The following CDH13 variants were observed in gnomAD, a reference collection of about 807,000 sequenced individuals.
CDH13 encodes cadherin 13, also known as cadherin-13.
In CDH13, 24 loss-of-function variants were observed where a neutral mutation model predicts 63.8. The observed-to-expected ratio is 0.38, with a 90% confidence interval of 0.27 to 0.53. The LOEUF is 0.53. Among genes scored for constraint, CDH13 ranks in the 20% least tolerant of loss-of-function variants. The pLI is 0.85. For missense variants in CDH13, 1,049 were observed against 903.1 expected, an observed-to-expected ratio of 1.16 and a Z score of -2.07; for synonymous variants, 503 against 355.3, an observed-to-expected ratio of 1.42 and a Z score of -4.67.
intron 6 of CDH13, among the ~76,000 whole-genome samples, chr16:83,466,215 A>C (rs2073311255): frequency 2.6e-5 from 4 of 152,216 alleles, no homozygotes; most frequent in Admixed American, 2.6e-4. Context: ...GGAAGGTAGC[A>C]CGCTCCCATT....
chr16:83,624,590 G>A (rs1351527954), intron 8 of CDH13, among the ~76,000 whole-genome samples: 1 of 152,118 alleles, frequency 6.6e-6, no homozygotes, highest in Non-Finnish European at 1.5e-5. Flanking sequence ...CTGACAGGAG[G>A]CGGTGCTCAG....
At chr16:82,744,455 A>G (rs2034069849) in intron 1 of CDH13, among the ~76,000 whole-genome samples, 2 of 152,108 alleles carry the variant, frequency 1.3e-5, no homozygotes. Flanking sequence ...TTTGAAAACC[A>G]GGAGAGGATT....
At chr16:83,278,043 T>G (rs545689524) in intron 5 of CDH13, among the ~76,000 whole-genome samples, 6 of 152,312 alleles carry the variant, frequency 3.9e-5, no homozygotes, top group African/African-American at 1.4e-4. Context: ...TAGTTCCTAT[T>G]CTCCAAGAAG....
chr16:83,729,450 C>T (rs1910797492), intron 10 of CDH13, among the ~76,000 whole-genome samples: 1 of 152,002 alleles, frequency 6.6e-6, no homozygotes, highest in South Asian at 2.1e-4. Flanking sequence ...AAAATTTTAG[C>T]AACTGAGATA....
chr16:83,007,840 G>A (rs1432515913), intron 2 of CDH13, among the ~76,000 whole-genome samples: 4 of 143,804 alleles, frequency 2.8e-5, no homozygotes, highest in South Asian at 4.4e-4. Flanking sequence ...AAAAAAAAGA[G>A]AGAAAAGAAA....
chr16:83,209,828 G>C (rs935399839), intron 4 of CDH13, among the ~76,000 whole-genome samples: 8 of 152,084 alleles, frequency 5.3e-5, no homozygotes, highest in Non-Finnish European at 8.8e-5. Context: ...CAGGAGAAAG[G>C]GTCAGGGGAA....
chr16:83,755,384 A>C (rs962920146), intron 11 of CDH13, among the ~76,000 whole-genome samples: 2 of 152,304 alleles, frequency 1.3e-5, no homozygotes, highest in East Asian at 3.9e-4. Context: ...AGAAAAAAAA[A>C]TTTGAAGATG....
chr16:83,271,081 C>G (rs973105079), intron 5 of CDH13, among the ~76,000 whole-genome samples: 1 of 151,950 alleles, frequency 6.6e-6, no homozygotes, highest in Non-Finnish European at 1.5e-5. Flanking sequence ...GCCCAAAGTC[C>G]TGCCCACTCA....
chr16:83,346,235 G>A (rs987757868), intron 6 of CDH13, among the ~76,000 whole-genome samples: 1 of 152,200 alleles, frequency 6.6e-6, no homozygotes, highest in African/African-American at 2.4e-5. Flanking sequence ...TGGAGAGAAG[G>A]AGAGAGGGCA....
intron 7 of CDH13, among the ~76,000 whole-genome samples, chr16:83,521,490 A>C (rs554631298): frequency 5.1e-4 from 78 of 152,248 alleles, no homozygotes; most frequent in Non-Finnish European, 9.3e-4. Flanking sequence ...CGGTGTCAAC[A>C]ACAGCAATAA....
chr16:83,676,637 G>A (rs1212878561), intron 9 of CDH13, among the ~76,000 whole-genome samples: 1 of 152,206 alleles, frequency 6.6e-6, no homozygotes, highest in African/African-American at 2.4e-5. Flanking sequence ...CAGCCACTCA[G>A]CACTAAGAGC....
At chr16:83,235,688 G>A (rs4782758) in intron 5 of CDH13, among the ~76,000 whole-genome samples, 150,701 of 151,994 alleles carry the variant, frequency 0.99, 74,727 homozygotes, top group Middle Eastern at 1. Flanking sequence ...TAAGATCTAG[G>A]TAATTTACTG....
rs767405219 is a variant in CDH13 at position 83,748,151 on chromosome 16, C to G, written c.1582C>G (p.Pro528Ala). Residue 528 changes from proline to alanine, a missense_variant, in exon 11 of 14, where the codon CCC becomes GCC. Physicochemically the swap from Pro to Ala is conservative, Grantham distance 27. Transcript: ENST00000567109. Reference protein sequence around the residue: ...KDPAGWLNINPINGTVDTTAV... With the variant: ...KDPAGWLNINAINGTVDTTAV... Reference sequence around the variant, plus strand: ...CCCAGCAGGTTGGCTGAATATTAACCCCATCAATGGGACTGTTGACACCAC... The same window carrying G: ...CCCAGCAGGTTGGCTGAATATTAACGCCATCAATGGGACTGTTGACACCAC... 1 of 1,613,826 alleles carries G rather than the reference C, an allele frequency of 6.2e-7. No homozygotes were observed. The highest frequency in any genetic ancestry group is 1.7e-5 in the Admixed American group (1 of 60,016).
intron 7 of CDH13, among the ~76,000 whole-genome samples, chr16:83,490,464 C>G (rs181426447): frequency 2.1e-4 from 32 of 152,298 alleles, no homozygotes; most frequent in African/African-American, 7.7e-4. Context: ...TCCCACCCTC[C>G]TCCCTTCCCA....
chr16:83,732,034 A>G (rs1911088995), intron 10 of CDH13, among the ~76,000 whole-genome samples: 1 of 152,204 alleles, frequency 6.6e-6, no homozygotes, highest in Non-Finnish European at 1.5e-5. Context: ...ATCCTGGTTT[A>G]TTTATTTATT....
chr16:83,750,304 A>AG (rs371423204), intron 11 of CDH13, among the ~76,000 whole-genome samples: 2 of 152,214 alleles, frequency 1.3e-5, no homozygotes, highest in African/African-American at 4.8e-5. Context: ...TCAAAAAAAA[A>AG]GAAAGAAATA....
intron 2 of CDH13, among the ~76,000 whole-genome samples, chr16:82,968,339 G>A (rs954452710): frequency 6.6e-6 from 1 of 152,140 alleles, no homozygotes; most frequent in African/African-American, 2.4e-5. Flanking sequence ...TAGAAAATGT[G>A]TAATTTTCCA....
Position 82,830,172 on chromosome 16 carries a change from G to C in CDH13, c.46-28190G>C, listed in dbSNP as rs551819927. Among the ~76,000 whole-genome samples, 18 of 152,228 alleles carry C rather than the reference G, an allele frequency of 1.2e-4. No homozygotes were observed. The South Asian group carries it at 1.2e-3, about 11-fold the overall frequency. ...GGGATCCATAGCCCATTCTGTCCACGTGTGAAACTTATAATAAAAGCCACT... is the reference window on the plus strand; with the variant it reads ...GGGATCCATAGCCCATTCTGTCCACCTGTGAAACTTATAATAAAAGCCACT... On this transcript the variant is annotated intron_variant, in intron 1 of 13. Coordinates refer to ENST00000567109, the MANE Select transcript of CDH13 (RefSeq NM_001257.5).
intron 1 of CDH13, among the ~76,000 whole-genome samples, chr16:82,772,449 A>T (rs1440897676): frequency 6.6e-6 from 1 of 152,130 alleles, no homozygotes; most frequent in African/African-American, 2.4e-5. Context: ...GGCTAGGCAG[A>T]GGTGTGTGAG....
Sources: gnomAD v4.1 joint callset for allele counts (sites outside exome capture counted in the v4.1 genomes callset) on GRCh38, gnomAD v4.1.1 for gene constraint, MANE v1.5 for transcripts, NCBI Gene and HGNC (gene_info 2026-07-23, HGNC 2026-07-21) for gene names.